Variants in ADAMTS3 observed in about 807,000 individuals in gnomAD.
The protein encoded by ADAMTS3 is A disintegrin and metalloproteinase with thrombospondin motifs 3.
In ADAMTS3, 73 loss-of-function variants were observed where a neutral mutation model predicts 129.0. The ratio of observed to expected loss-of-function variants is 0.57; its 90% confidence interval spans 0.47 to 0.69. ADAMTS3 has a LOEUF of 0.69. Among genes scored for constraint, ADAMTS3 ranks in the 30% least tolerant of loss-of-function variants. The probability of loss-of-function intolerance (pLI) is 0.00; values close to 1 mark genes in which losing one functional copy is unlikely to be tolerated. For synonymous variants in ADAMTS3, 477 were observed against 510.8 expected (o/e 0.93, Z 0.89); for missense variants, 1,457 against 1,514.5 (o/e 0.96, Z 0.63).
intron 4 of ADAMTS3, among the ~76,000 whole-genome samples, chr4:72,340,333 G>GTGTGTGTA (rs1553907619): frequency 6.6e-6 from 1 of 151,320 alleles, no homozygotes; most frequent in Non-Finnish European, 1.5e-5. Context: ...GTGTGTGTGT[G>GTGTGTGTA]TGTGTATGTG....
At chr4:72,400,317 G>GGT (rs1231358715) in intron 4 of ADAMTS3, among the ~76,000 whole-genome samples, 4 of 142,556 alleles carry the variant, frequency 2.8e-5, no homozygotes, top group Non-Finnish European at 4.6e-5. Flanking sequence ...ATGCACACAT[G>GGT]GTGTGTGTAT....
In ADAMTS3 at chr4:72,313,737, G is replaced by A; in HGVS notation, c.1685C>T (p.Ser562Phe). The change falls in exon 12 of 22, where the codon TCC (serine) becomes TTC (phenylalanine). Residue 562 changes from serine to phenylalanine, a missense_variant. Coordinates refer to ENST00000286657, the MANE Select transcript of ADAMTS3 (RefSeq NM_014243.3). ...GNWGSWTKFG[S>F]CSRTCGTGVR... is the part of the protein sequence containing the mutation. ...ACCAGTTCCACATGTCCGAGAACAG[G>A]AGCCAAATTTAGTCCATGACCCCCA... is the stretch of plus-strand genomic sequence containing the variant. 6.2e-7 allele frequency: 1 copy of A among 1,613,822 alleles called. No individual in the cohort carries two copies. The highest frequency in any genetic ancestry group is 8.5e-7 in the Non-Finnish European group (1 of 1,179,890).
At chr4:72,486,193 T>C (rs1271608953) in intron 3 of ADAMTS3, among the ~76,000 whole-genome samples, 2 of 152,124 alleles carry the variant, frequency 1.3e-5, no homozygotes, top group Non-Finnish European at 2.9e-5. Flanking sequence ...GTTTTATAAA[T>C]GAGGAAACTA....
chr4:72,498,715 A>T (rs1560538985), intron 3 of ADAMTS3, among the ~76,000 whole-genome samples: 1 of 151,880 alleles, frequency 6.6e-6, no homozygotes, highest in Non-Finnish European at 1.5e-5. Flanking sequence ...GAACTAAAAT[A>T]TTCTTGGAGC....
intron 3 of ADAMTS3, among the ~76,000 whole-genome samples, chr4:72,482,325 TA>T (rs1271405477): frequency 6.6e-6 from 1 of 150,764 alleles, no homozygotes; most frequent in African/African-American, 2.4e-5. Context: ...TACACATCAA[TA>T]AAAAAAATGA....
chr4:72,286,254 C>A (rs1300926160), intron 21 of ADAMTS3, among the ~76,000 whole-genome samples: 5 of 152,166 alleles, frequency 3.3e-5, no homozygotes, highest in Non-Finnish European at 5.9e-5. Context: ...AAAGTGGCAG[C>A]CTCTTAACAG....
chr4:72,383,740 C>T (rs1721361965), intron 4 of ADAMTS3, among the ~76,000 whole-genome samples: 2 of 152,094 alleles, frequency 1.3e-5, no homozygotes, highest in African/African-American at 4.8e-5. Flanking sequence ...CCACATAATG[C>T]AACATCTCTA....
intron 4 of ADAMTS3, among the ~76,000 whole-genome samples, chr4:72,386,966 T>A (rs576973020): frequency 8.9e-4 from 135 of 152,232 alleles, no homozygotes; most frequent in Non-Finnish European, 1.5e-3. Context: ...ACATTAGAGT[T>A]AATTTACATA....
At chr4:72,306,157 T>C (rs1028707073) in intron 15 of ADAMTS3, 90 bp from the exon 16 acceptor site, 7 of 895,172 alleles carry the variant, frequency 7.8e-6, no homozygotes, top group African/African-American at 1.8e-5. Context: ...TTACTGCTTC[T>C]GCGTGCAGAA....
intron 10 of ADAMTS3, 55 bp downstream of exon 10, chr4:72,318,517 A>C: frequency 6.3e-7 from 1 of 1,588,192 alleles, no homozygotes; most frequent in Non-Finnish European, 8.6e-7. Context: ...ACCAAGCAGG[A>C]GCTACACAAA....
chr4:72,306,712 T>G (rs144397493), intron 15 of ADAMTS3, among the ~76,000 whole-genome samples: 221 of 152,072 alleles, frequency 1.5e-3, no homozygotes, highest in African/African-American at 5.1e-3. Context: ...AGTTGGAAAA[T>G]GTGTGCAAGA....
intron 4 of ADAMTS3, among the ~76,000 whole-genome samples, chr4:72,393,642 T>C (rs1332305130): frequency 1.3e-5 from 2 of 152,196 alleles, no homozygotes; most frequent in Non-Finnish European, 1.5e-5. Flanking sequence ...TGATAACATA[T>C]ATAATCCTTT....
At chr4:72,320,973 T>C (rs1201050104) in intron 6 of ADAMTS3, 103 bp from the exon 7 acceptor site, 2 of 1,216,024 alleles carry the variant, frequency 1.6e-6, no homozygotes, top group Admixed American at 5.0e-5. Context: ...ATTTAAACAA[T>C]GATTCAATAA....
At chr4:72,542,450 C>T (rs367793446) in intron 3 of ADAMTS3, among the ~76,000 whole-genome samples, 20 of 152,324 alleles carry the variant, frequency 1.3e-4, no homozygotes, top group East Asian at 3.9e-4. Flanking sequence ...AGGCATGAGC[C>T]ACTGCGCCCG....
chr4:72,323,669 A>C (rs1413517076), intron 5 of ADAMTS3, among the ~76,000 whole-genome samples: 2 of 152,148 alleles, frequency 1.3e-5, no homozygotes, highest in Admixed American at 6.5e-5. Context: ...TCCAATATTT[A>C]AGTTACTAAG....
intron 3 of ADAMTS3, among the ~76,000 whole-genome samples, chr4:72,529,692 AAT>A (rs1375580929): frequency 1.9e-4 from 23 of 122,154 alleles, no homozygotes; most frequent in African/African-American, 6.8e-4. Flanking sequence ...TATATTAAAT[AAT>A]ATATATTAAT....
At position 72,320,766 on chromosome 4, in the gene ADAMTS3, A is replaced by C. The variant is rs745571233; in HGVS notation, c.1050T>G (p.His350Gln). ...GCCTGGTTAAAAAAATTGCATGGTC[A>C]TGGTGTTCAGAGTGGTTGAGATCAG... is the stretch of plus-strand genomic sequence containing the variant. The part of the protein sequence containing the change: ...QRSDLNHSEH[H>Q]DHAIFLTRQD... Residue 350 changes from histidine (H) to glutamine (Q), a missense_variant, in exon 7 of 22, where the codon CAT becomes CAG. Transcript: ENST00000286657. 6.2e-6 allele frequency: 10 copies of C among 1,613,984 alleles called. 1 individual carries two copies. The South Asian group carries it at 1.1e-4, about 18-fold the overall frequency.
chr4:72,423,362 T>C (rs1185469366), intron 3 of ADAMTS3, among the ~76,000 whole-genome samples: 4 of 152,156 alleles, frequency 2.6e-5, no homozygotes, highest in Non-Finnish European at 5.9e-5. Flanking sequence ...GTAAATATAA[T>C]AGTCTAGTAA....
intron 4 of ADAMTS3, among the ~76,000 whole-genome samples, chr4:72,342,486 C>T (rs1418985637): frequency 6.6e-6 from 1 of 151,886 alleles, no homozygotes; most frequent in Non-Finnish European, 1.5e-5. Flanking sequence ...GCCTCAACCT[C>T]CCGAGTAGCT....
Sources: allele counts gnomAD v4.1 joint callset (sites outside exome capture counted in the v4.1 genomes callset), GRCh38; gene constraint gnomAD v4.1.1; transcripts MANE v1.5; gene names NCBI Gene and HGNC (gene_info 2026-07-23, HGNC 2026-07-21).